AFG2B: variants seen among roughly 807,000 people sequenced by gnomAD.
AFG2B encodes AAA ATPase AFG2B, also known as ATPase family gene 2 protein homolog B.
At chr15:45,405,271 T>C in the AFG2B span, 1 of 1,542,352 alleles carries the variant, frequency 6.5e-7, no homozygotes, top group Non-Finnish European at 8.8e-7. Flanking sequence ...AATAATATAT[T>C]TTAAACTATA....
chr15:45,402,986 T>G, the AFG2B span: 6 of 1,592,434 alleles, frequency 3.8e-6, no homozygotes, highest in African/African-American at 5.4e-5. Flanking sequence ...CGCGTCAGCC[T>G]TGGCGGGGAG....
chr15:45,420,411 C>T, the AFG2B span, among the ~76,000 whole-genome samples: 1 of 152,154 alleles, frequency 6.6e-6, no homozygotes, highest in African/African-American at 2.4e-5. Flanking sequence ...TCAGTGCTGG[C>T]TGAAGACTCT....
the AFG2B span, chr15:45,417,396 C>T: frequency 2.5e-6 from 4 of 1,613,578 alleles, no homozygotes; most frequent in African/African-American, 5.3e-5. Context: ...CTCCAGATCA[C>T]AAGGTAGTCA....
the AFG2B span, chr15:45,417,289 C>G: frequency 1.9e-6 from 3 of 1,613,470 alleles, no homozygotes; most frequent in Non-Finnish European, 2.5e-6. Flanking sequence ...AGTTTTTAAC[C>G]GAAGTGTCAT....
At chr15:45,414,050 C>A in the AFG2B span, among the ~76,000 whole-genome samples, 1 of 151,948 alleles carries the variant, frequency 6.6e-6, no homozygotes, top group South Asian at 2.1e-4. Context: ...AATGACAAAC[C>A]CAACGTGGAA....
chr15:45,408,012 C>G, the AFG2B span, among the ~76,000 whole-genome samples: 1 of 152,092 alleles, frequency 6.6e-6, no homozygotes, highest in Non-Finnish European at 1.5e-5. Context: ...CAAAACAATA[C>G]TATAAAGTAG....
At chr15:45,405,457 A>C in the AFG2B span, 1 of 1,614,100 alleles carries the variant, frequency 6.2e-7, no homozygotes, top group Non-Finnish European at 8.5e-7. Context: ...CCGACCTGAC[A>C]GCACTCTGTA....
the AFG2B span, chr15:45,403,473 C>T: frequency 1.2e-6 from 2 of 1,607,426 alleles, no homozygotes; most frequent in Non-Finnish European, 1.7e-6. Flanking sequence ...ACCGGCCGGA[C>T]GCTCTAGACC....
chr15:45,402,723 C>A, the AFG2B span: 4 of 1,564,520 alleles, frequency 2.6e-6, no homozygotes, highest in Non-Finnish European at 2.6e-6. Context: ...GCCTGAATCG[C>A]CTCCTCCTAG....
the AFG2B span, among the ~76,000 whole-genome samples, chr15:45,413,633 C>G: frequency 2.4e-4 from 36 of 152,306 alleles, no homozygotes; most frequent in African/African-American, 7.9e-4. Flanking sequence ...TTGCAAGAAA[C>G]TTGTAGCTGG....
At chr15:45,414,343 G>C in the AFG2B span, among the ~76,000 whole-genome samples, 1 of 152,146 alleles carries the variant, frequency 6.6e-6, no homozygotes, top group Non-Finnish European at 1.5e-5. Flanking sequence ...CGAGTAAGGA[G>C]TTTGGATTTG....
the AFG2B span, among the ~76,000 whole-genome samples, chr15:45,415,053 T>C: frequency 6.6e-6 from 1 of 152,194 alleles, no homozygotes; most frequent in Non-Finnish European, 1.5e-5. Flanking sequence ...TATCCTGCTT[T>C]TTTAAACTTA....
At chr15:45,419,067 G>A in the AFG2B span, among the ~76,000 whole-genome samples, 1 of 152,168 alleles carries the variant, frequency 6.6e-6, no homozygotes, top group Admixed American at 6.5e-5. Context: ...AATGTTTGAG[G>A]TGGAGAGAAT....
At chr15:45,410,500 C>T in the AFG2B span, 1 of 1,609,966 alleles carries the variant, frequency 6.2e-7, no homozygotes, top group African/African-American at 1.3e-5. Context: ...AGATTGGTGG[C>T]CTTGAAGATG....
At chr15:45,414,834 C>G in the AFG2B span, 30 of 1,473,328 alleles carry the variant, frequency 2.0e-5, no homozygotes, top group Non-Finnish European at 2.6e-5. Flanking sequence ...TATTTCATTT[C>G]TTATGGACAA....
At chr15:45,404,030 T>C in the AFG2B span, among the ~76,000 whole-genome samples, 1 of 152,156 alleles carries the variant, frequency 6.6e-6, no homozygotes, top group Non-Finnish European at 1.5e-5. Context: ...CAGCATCCTA[T>C]TCCACAATTG....
chr15:45,407,552 T>C, the AFG2B span, among the ~76,000 whole-genome samples: 4 of 152,218 alleles, frequency 2.6e-5, no homozygotes, highest in African/African-American at 9.6e-5. Flanking sequence ...AAGGCTTTTT[T>C]TTAAGTATAT....
At chr15:45,405,296 T>C in the AFG2B span, 2 of 1,601,898 alleles carry the variant, frequency 1.2e-6, no homozygotes, top group Non-Finnish European at 8.5e-7. Flanking sequence ...TCTTCTTCTT[T>C]TTTTTGTTTT....
At chr15:45,412,980 C>G in the AFG2B span, among the ~76,000 whole-genome samples, 1 of 152,166 alleles carries the variant, frequency 6.6e-6, no homozygotes, top group Non-Finnish European at 1.5e-5. Context: ...TTCATCTTAA[C>G]CAGGAGATCT....
Sources: gnomAD v4.1 joint callset for allele counts (sites outside exome capture counted in the v4.1 genomes callset) on GRCh38, gnomAD v4.1.1 for gene constraint, MANE v1.5 for transcripts, NCBI Gene and HGNC (gene_info 2026-07-23, HGNC 2026-07-21) for gene names.